Variants in ARHGAP24 observed in about 807,000 individuals in gnomAD.
ARHGAP24 encodes the protein rho GTPase-activating protein 24.
ARHGAP24 carries 50 observed loss-of-function variants against 76.4 expected under a neutral mutation model. The ratio of observed to expected loss-of-function variants is 0.65; its 90% CI spans 0.52 to 0.83. The LOEUF (loss-of-function observed/expected upper bound fraction) is 0.83, where lower values mean the gene tolerates loss of function less well. Among genes scored for constraint, ARHGAP24 ranks in the 40% least tolerant of loss-of-function variants. The pLI is 0.00. For missense variants in ARHGAP24, 930 were observed against 914.2 expected (o/e 1.02, Z -0.22); for synonymous variants, 345 against 323.3 (o/e 1.07, Z -0.72).
At chr4:85,728,292 T>G (rs1414057445) in intron 3 of ARHGAP24, among the ~76,000 whole-genome samples, 1 of 150,918 alleles carries the variant, frequency 6.6e-6, no homozygotes, top group Non-Finnish European at 1.5e-5. Context: ...TTTTGAGGAC[T>G]TCAGAGATTC....
At chr4:85,904,529 C>T (rs780910501) in intron 3 of ARHGAP24, among the ~76,000 whole-genome samples, 1 of 152,116 alleles carries the variant, frequency 6.6e-6, no homozygotes, top group Non-Finnish European at 1.5e-5. Flanking sequence ...TTGAGAAATG[C>T]TACTAAATGA....
intron 1 of ARHGAP24, among the ~76,000 whole-genome samples, chr4:85,501,332 G>C (rs1299317897): frequency 6.6e-6 from 1 of 152,178 alleles, no homozygotes; most frequent in African/African-American, 2.4e-5. Context: ...CTAGTTTACA[G>C]TCCCACCAAC....
At chr4:85,999,050 T>C (rs1740849259) in intron 9 of ARHGAP24, among the ~76,000 whole-genome samples, 1 of 152,256 alleles carries the variant, frequency 6.6e-6, no homozygotes, top group Non-Finnish European at 1.5e-5. Flanking sequence ...AGCACTTTTA[T>C]ATGTTTGCAT....
chr4:85,616,654 G>A (rs1720548522), intron 2 of ARHGAP24, among the ~76,000 whole-genome samples: 1 of 152,130 alleles, frequency 6.6e-6, no homozygotes, highest in Non-Finnish European at 1.5e-5. Flanking sequence ...TTAAGATGGA[G>A]TCTCATTCTG....
intron 3 of ARHGAP24, among the ~76,000 whole-genome samples, chr4:85,822,237 A>G (rs559230741): frequency 6.6e-6 from 1 of 152,184 alleles, no homozygotes; most frequent in East Asian, 1.9e-4. Context: ...CTGTTTTTCC[A>G]GTCCCTCAAA....
chr4:85,875,752 G>A (rs888336493), intron 3 of ARHGAP24, among the ~76,000 whole-genome samples: 1 of 143,936 alleles, frequency 6.9e-6, no homozygotes, highest in Non-Finnish European at 1.5e-5. Context: ...GGTTGTGGGG[G>A]AGAACAGAAT....
chr4:85,588,312 G>A (rs58315235), intron 2 of ARHGAP24, among the ~76,000 whole-genome samples: 4 of 152,302 alleles, frequency 2.6e-5, no homozygotes, highest in Non-Finnish European at 4.4e-5. Flanking sequence ...GCCTTTTAAT[G>A]TAATAGTTTT....
intron 2 of ARHGAP24, among the ~76,000 whole-genome samples, chr4:85,694,114 C>T (rs1046384361): frequency 3.9e-5 from 6 of 152,104 alleles, no homozygotes; most frequent in East Asian, 1.9e-4. Flanking sequence ...GCATCTCCGT[C>T]TACTCCTAGC....
At chr4:85,910,440 TGTTGAGCAATA>T in intron 3 of ARHGAP24, among the ~76,000 whole-genome samples, 1 of 152,160 alleles carries the variant, frequency 6.6e-6, no homozygotes, top group East Asian at 1.9e-4. Flanking sequence ...AGAGGAGCTT[TGTTGAGCAATA>T]GAACAGTTCA....
chr4:85,948,397 A>G (rs1274955938), intron 5 of ARHGAP24, among the ~76,000 whole-genome samples: 1 of 152,196 alleles, frequency 6.6e-6, no homozygotes, highest in Non-Finnish European at 1.5e-5. Flanking sequence ...GGCTAATTAT[A>G]TGACACTGAC....
intron 3 of ARHGAP24, among the ~76,000 whole-genome samples, chr4:85,871,509 T>G (rs1358054922): frequency 6.6e-6 from 1 of 152,158 alleles, no homozygotes; most frequent in Non-Finnish European, 1.5e-5. Context: ...AGCCTTTCCT[T>G]AAACTACATA....
At chr4:85,779,192 CTGT>C (rs1410379694) in intron 3 of ARHGAP24, among the ~76,000 whole-genome samples, 2 of 152,052 alleles carry the variant, frequency 1.3e-5, no homozygotes, top group Non-Finnish European at 2.9e-5. Flanking sequence ...ATGATTGTTG[CTGT>C]TGTTTTATTT....
Position 85,964,313 on chromosome 4 carries a change from A to C in ARHGAP24, c.600-7723A>C, listed in dbSNP as rs191042803. Among the ~76,000 whole-genome samples the C allele has an allele frequency of 1.6e-3, 241 of 152,224 alleles. 3 individuals carry two copies. The highest frequency in any genetic ancestry group is 5.3e-3 in the African/African-American group (219 of 41,556). On this transcript the variant is annotated intron_variant, in intron 5 of 9. Transcript: ENST00000395184. ...TGTGAAAAAAAAATGCTAAAAGAGAAACAATTTTACACAAGGGGAGATTTT... is the reference window on the plus strand; with the variant it reads ...TGTGAAAAAAAAATGCTAAAAGAGACACAATTTTACACAAGGGGAGATTTT...
intron 3 of ARHGAP24, among the ~76,000 whole-genome samples, chr4:85,777,716 A>C: frequency 6.6e-6 from 1 of 152,168 alleles, no homozygotes; most frequent in East Asian, 1.9e-4. Flanking sequence ...TGTCTGTTAC[A>C]CTATTTCACG....
chr4:85,922,157 G>T (rs370284393), intron 3 of ARHGAP24, among the ~76,000 whole-genome samples: 1 of 152,130 alleles, frequency 6.6e-6, no homozygotes, highest in East Asian at 1.9e-4. Flanking sequence ...TTCCCATTTA[G>T]TTGTATTAAA....
chr4:85,749,479 A>G (rs1726176234), intron 3 of ARHGAP24, among the ~76,000 whole-genome samples: 1 of 152,236 alleles, frequency 6.6e-6, no homozygotes, highest in Non-Finnish European at 1.5e-5. Flanking sequence ...CTCTATTCTC[A>G]GACAATCTTG....
chr4:85,789,028 A>G (rs1727991638), intron 3 of ARHGAP24, among the ~76,000 whole-genome samples: 1 of 152,042 alleles, frequency 6.6e-6, no homozygotes, highest in African/African-American at 2.4e-5. Context: ...TGCTAATGAG[A>G]TGACTTGTGG....
chr4:85,995,415 C>A lies in ARHGAP24; in HGVS notation c.1761C>A (p.Asn587Lys). The change falls in exon 9 of 10, where the codon AAC becomes AAA. Residue 587 changes from asparagine (N) to lysine (K), a missense_variant. Physicochemically the swap from Asn to Lys is moderately conservative, Grantham distance 94. Transcript: ENST00000395184. ...TCPEQDFFGG[N>K]FEDPVLDGPP... ...CAGAGCAAGACTTTTTTGGGGGGAA[C>A]TTTGAGGACCCTGTTTTGGATGGGC... is the stretch of plus-strand genomic sequence containing the variant. The A allele has an allele frequency of 3.1e-6, 5 of 1,612,500 alleles. No homozygotes were observed. Among genetic ancestry groups the A allele is most frequent in the Non-Finnish European group, 4.2e-6 (5 of 1,178,726 alleles).
At chr4:85,737,687 A>G (rs1725655231) in intron 3 of ARHGAP24, among the ~76,000 whole-genome samples, 1 of 152,150 alleles carries the variant, frequency 6.6e-6, no homozygotes, top group African/African-American at 2.4e-5. Context: ...CTTTCATGAC[A>G]TTTGCAAATT....
Sources: gnomAD v4.1 joint callset for allele counts (sites outside exome capture counted in the v4.1 genomes callset) on GRCh38, gnomAD v4.1.1 for gene constraint, MANE v1.5 for transcripts, NCBI Gene and HGNC (gene_info 2026-07-23, HGNC 2026-07-21) for gene names.